PREP: variants seen among roughly 807,000 people sequenced by gnomAD.
PREP encodes the protein dJ355L5.1 (prolyl endopeptidase).
Under a neutral mutation model 87.6 loss-of-function variants are expected in PREP, and 29 were observed. The ratio of observed to expected loss-of-function variants is 0.33; its 90% confidence interval spans 0.25 to 0.45. The LOEUF (loss-of-function observed/expected upper bound fraction) is 0.45, where lower values mean the gene tolerates loss of function less well. Ranked by LOEUF, PREP falls within the 20% of genes least tolerant of loss-of-function variation. The pLI, the probability that PREP is intolerant of heterozygous loss-of-function variation, is 1.00. For synonymous variants in PREP, 337 were observed against 328.6 expected (o/e 1.03, Z -0.28); for missense variants, 695 against 886.5 (o/e 0.78, Z 2.74).
At chr6:105,368,878 G>A (rs1472949553) in intron 6 of PREP, 25 bp downstream of exon 6, 1 of 1,612,184 alleles carries the variant, frequency 6.2e-7, no homozygotes, top group Non-Finnish European at 8.5e-7. Flanking sequence ...GTCTTTGGGG[G>A]TAAAATTTCA....
At chr6:105,335,798 C>G (rs1317878051) in intron 7 of PREP, among the ~76,000 whole-genome samples, 1 of 152,056 alleles carries the variant, frequency 6.6e-6, no homozygotes, top group African/African-American at 2.4e-5. Context: ...GAGGCTGAGG[C>G]AGGAGAATGG....
Position 105,397,901 on chromosome 6 carries a change from A to C in PREP, c.72T>G (p.Ile24Met). The C allele has an allele frequency of 6.2e-7, 1 of 1,611,864 alleles. No individual in the cohort carries two copies. Among genetic ancestry groups the C allele is most frequent in the Non-Finnish European group, 8.5e-7 (1 of 1,177,910 alleles). ...CTTCAAGCCAGGCGTAAGGGTCACA[A>C]ATTTTATGACCATGATAATCCTGTA... ...TAVQDYHGHK[I>M]CDPYAWLEDP... is the part of the protein sequence containing the mutation. The change falls in exon 2 of 15, where the codon ATT (isoleucine) becomes ATG (methionine). Residue 24 changes from isoleucine (I) to methionine (M), a missense_variant. Around this residue, in one of 5 missense-constraint regions of PREP, gnomAD observed 517 missense variants for 620.3 expected, o/e 0.83. Transcript: ENST00000652536.
intron 10 of PREP, among the ~76,000 whole-genome samples, chr6:105,317,604 T>C (rs1056406389): frequency 1.3e-5 from 2 of 152,134 alleles, no homozygotes; most frequent in African/African-American, 2.4e-5. Context: ...TTTCTGTAGG[T>C]GGGTTCGTGC....
At chr6:105,300,374 TCCCA>T (rs1770507711) in intron 10 of PREP, among the ~76,000 whole-genome samples, 1 of 152,112 alleles carries the variant, frequency 6.6e-6, no homozygotes, top group African/African-American at 2.4e-5. Flanking sequence ...ACAATAAAAA[TCCCA>T]CTATATCTTG....
intron 7 of PREP, among the ~76,000 whole-genome samples, chr6:105,350,886 G>A (rs1450236458): frequency 1.3e-5 from 2 of 152,186 alleles, no homozygotes; most frequent in African/African-American, 4.8e-5. Context: ...AGCTACCACT[G>A]GAGAATGCTG....
At chr6:105,365,893 TA>T (rs1427211360) in intron 6 of PREP, among the ~76,000 whole-genome samples, 5 of 145,970 alleles carry the variant, frequency 3.4e-5, no homozygotes, top group Non-Finnish European at 6.0e-5. Context: ...TTTTTTTTTT[TA>T]AACAACTTCA....
At chr6:105,289,849 C>A (rs1770259267) in intron 10 of PREP, among the ~76,000 whole-genome samples, 2 of 152,134 alleles carry the variant, frequency 1.3e-5, no homozygotes, top group African/African-American at 4.8e-5. Context: ...AGCCTTTACA[C>A]TTCATGTGAC....
At position 105,275,146 on chromosome 6, in the gene PREP, C is replaced by T. The variant is rs1311354901; in HGVS notation, c.*2998G>A. Among the ~76,000 whole-genome samples, 1 of 152,202 alleles carries T rather than the reference C, an allele frequency of 6.6e-6. No homozygotes were observed. The highest frequency in any genetic ancestry group is 1.5e-5 in the Non-Finnish European group (1 of 68,036). On this transcript the variant is annotated 3_prime_UTR_variant, in exon 15 of 15. Coordinates refer to ENST00000652536, the MANE Select transcript of PREP (RefSeq NM_002726.5). ...GACCTTTGCCTCTTTACAGCAACCT[C>T]CACAGCTTTCCAGCCTGTCCTTAAC...
intron 14 of PREP, among the ~76,000 whole-genome samples, chr6:105,280,098 G>A (rs989799603): frequency 1.3e-5 from 2 of 152,166 alleles, no homozygotes; most frequent in African/African-American, 2.4e-5. Flanking sequence ...TCAAACTGGA[G>A]AGGCTAGCCA....
chr6:105,279,832 G>A (rs186105765), intron 14 of PREP, among the ~76,000 whole-genome samples: 323 of 152,232 alleles, frequency 2.1e-3, no homozygotes, highest in Non-Finnish European at 3.3e-3. Flanking sequence ...GAAAGTATTA[G>A]GTGTCATCTA....
chr6:105,304,369 C>G (rs1392205456), intron 10 of PREP, among the ~76,000 whole-genome samples: 1 of 152,144 alleles, frequency 6.6e-6, no homozygotes, highest in Non-Finnish European at 1.5e-5. Flanking sequence ...CTACGAATAC[C>G]CCCACTTTTC....
chr6:105,393,645 T>C (rs1583107128), intron 2 of PREP, among the ~76,000 whole-genome samples: 1 of 152,224 alleles, frequency 6.6e-6, no homozygotes, highest in Admixed American at 6.5e-5. Context: ...AGTAGCCACA[T>C]TAAGGAAAAA....
At chr6:105,364,376 C>G (rs1772329632) in intron 6 of PREP, among the ~76,000 whole-genome samples, 1 of 152,190 alleles carries the variant, frequency 6.6e-6, no homozygotes, top group East Asian at 1.9e-4. Flanking sequence ...CAAGGCAAGA[C>G]AGACCTGTCC....
chr6:105,394,844 AC>A (rs1375490127), intron 2 of PREP, among the ~76,000 whole-genome samples: 3 of 152,202 alleles, frequency 2.0e-5, no homozygotes, highest in Admixed American at 2.0e-4. Context: ...GATAGCAACG[AC>A]AAAAAGCAAA....
intron 10 of PREP, chr6:105,323,141 CT>C (rs745831384): frequency 7.7e-7 from 1 of 1,299,054 alleles, no homozygotes; most frequent in South Asian, 1.2e-5. Context: ...GATTCTTAAC[CT>C]GAAAAGATGG....
intron 7 of PREP, among the ~76,000 whole-genome samples, chr6:105,347,525 A>C (rs1771830181): frequency 6.6e-6 from 1 of 152,240 alleles, no homozygotes; most frequent in Admixed American, 6.5e-5. Context: ...AAAATTATTT[A>C]GAAATGTATC....
intron 12 of PREP, 47 bp from the exon 13 acceptor site, chr6:105,282,629 A>G: frequency 1.3e-6 from 2 of 1,593,072 alleles, no homozygotes; most frequent in Admixed American, 1.8e-5. Flanking sequence ...AAACATAAAA[A>G]TAAGTTTAAT....
intron 10 of PREP, among the ~76,000 whole-genome samples, chr6:105,307,114 C>A (rs1149314): frequency 1.3e-5 from 2 of 152,168 alleles, no homozygotes; most frequent in Non-Finnish European, 2.9e-5. Context: ...TTATGAGACT[C>A]TGGGATCATT....
intron 7 of PREP, among the ~76,000 whole-genome samples, chr6:105,340,240 A>G (rs59321420): frequency 0.094 from 14,361 of 152,248 alleles, 1,052 homozygotes; most frequent in African/African-American, 0.2. Flanking sequence ...CCAATATTCA[A>G]CATTCTTAAA....
Sources: allele counts gnomAD v4.1 joint callset (sites outside exome capture counted in the v4.1 genomes callset), GRCh38; gene constraint gnomAD v4.1.1; regional missense constraint gnomAD v4.1.1; transcripts MANE v1.5; gene names NCBI Gene and HGNC (gene_info 2026-07-23, HGNC 2026-07-21).